Variants in PGAP4 observed in about 807,000 individuals in gnomAD.
PGAP4 encodes the protein GPI-N-acetylgalactosamine transferase PGAP4.
Under a neutral mutation model 28.2 loss-of-function variants are expected in PGAP4, and 12 were observed. That is an observed-to-expected ratio of 0.42 (90% confidence interval 0.27 to 0.69). The LOEUF is 0.69. Among genes scored for constraint, PGAP4 ranks in the 30% least tolerant of loss-of-function variants. The pLI, the probability that PGAP4 is intolerant of heterozygous loss-of-function variation, is 0.22. For missense variants in PGAP4, 425 were observed against 513.5 expected (o/e 0.83, Z 1.67); for synonymous variants, 205 against 211.8 (o/e 0.97, Z 0.28).
chr9:101,492,445 C>T (rs80228290), intron 2 of PGAP4, among the ~76,000 whole-genome samples: 3,453 of 151,980 alleles, frequency 0.023, 130 homozygotes, highest in African/African-American at 0.078. Flanking sequence ...GCCCGCCCGG[C>T]AGTAATTTTT....
Position 101,475,950 on chromosome 9 carries a change from C to T in PGAP4, c.1143G>A (p.Glu381=). 6.2e-7 allele frequency: 1 copy of T among 1,614,250 alleles called. No individual in the cohort carries two copies. Residue 381 remains glutamate (E), a synonymous_variant, in exon 2 of 2, where the codon GAG becomes GAA. Transcript: ENST00000374848. The part of the protein sequence containing the change: ...RAKGERAYVV[E]PNLVKHIGLF... ...GCCCGATGTGTTTCACGAGGTTCGGCTCCACTACATAGGCCCTCTCTCCCT... is the reference window on the plus strand; with the variant it reads ...GCCCGATGTGTTTCACGAGGTTCGGTTCCACTACATAGGCCCTCTCTCCCT...
chr9:101,491,206 G>A (rs1293584184), upstream of PGAP4, among the ~76,000 whole-genome samples: 1 of 152,168 alleles, frequency 6.6e-6, no homozygotes, highest in Non-Finnish European at 1.5e-5. Flanking sequence ...TTCATGAATA[G>A]TGGTATTAGC....
chr9:101,481,150 C>T (rs1826475949), intron 1 of PGAP4, among the ~76,000 whole-genome samples: 1 of 152,172 alleles, frequency 6.6e-6, no homozygotes, highest in South Asian at 2.1e-4. Flanking sequence ...CGCACTCCAG[C>T]CTGGTTGACA....
intron 1 of PGAP4, among the ~76,000 whole-genome samples, chr9:101,478,668 A>G (rs1413273307): frequency 6.6e-6 from 1 of 152,206 alleles, no homozygotes; most frequent in Non-Finnish European, 1.5e-5. Flanking sequence ...CTCTTTCCCC[A>G]TCTGCCAGCT....
At chr9:101,494,954 A>G (rs1034464914) in intron 2 of PGAP4, among the ~76,000 whole-genome samples, 2 of 149,960 alleles carry the variant, frequency 1.3e-5, no homozygotes, top group African/African-American at 2.4e-5. Context: ...AACTTTAGAA[A>G]AGATTAATAT....
chr9:101,481,224 T>C (rs987723822), intron 1 of PGAP4: 1 of 151,572 alleles, frequency 6.6e-6, no homozygotes, highest in African/African-American at 2.4e-5. Context: ...AAAAGATAAA[T>C]GGCCTTAGGG....
intron 2 of PGAP4, among the ~76,000 whole-genome samples, chr9:101,529,329 ATTTT>A (rs991076600): frequency 6.6e-6 from 1 of 151,574 alleles, no homozygotes; most frequent in African/African-American, 2.4e-5. Context: ...CTAATTTTGT[ATTTT>A]TAGTAGGGAC....
chr9:101,496,111 GAA>G (rs1826745668), intron 2 of PGAP4, among the ~76,000 whole-genome samples: 1 of 151,420 alleles, frequency 6.6e-6, no homozygotes, highest in Admixed American at 6.6e-5. Flanking sequence ...GGCATGTCAA[GAA>G]AAGCCAAGAC....
Position 101,473,584 on chromosome 9 carries a change from T to C in PGAP4, c.*2297A>G, listed in dbSNP as rs1826214363. The C allele has an allele frequency of 6.6e-6, 1 of 152,240 alleles. No homozygotes were observed. The highest frequency in any genetic ancestry group is 6.5e-5 in the Admixed American group (1 of 15,280). The allele number at this position is 152,240 out of a possible 1,614,324, so 9.4% of individuals were successfully genotyped here. Reference sequence around the variant, plus strand: ...CATGGGGAAAAGGCATGTTAGTGTGTAGGTAGAGAAACTGGACAAGGAAGG... The same window carrying C: ...CATGGGGAAAAGGCATGTTAGTGTGCAGGTAGAGAAACTGGACAAGGAAGG... On this transcript the variant is annotated 3_prime_UTR_variant, in exon 2 of 2. Transcript: ENST00000374848.
intron 2 of PGAP4, among the ~76,000 whole-genome samples, chr9:101,499,170 T>C (rs2118590765): frequency 6.6e-6 from 1 of 152,136 alleles, no homozygotes. Context: ...TAAGATTTCT[T>C]ATTAAAGTGG....
chr9:101,477,006 G>A lies in PGAP4; in HGVS notation c.87C>T (p.Ile29=), dbSNP rs1272143488. Reference sequence around the variant, plus strand: ...GCAGGCCAAACGTCACCACTGTTAGGATGAAGAGCTGGACAGCAGTGCTGC... The same window carrying A: ...GCAGGCCAAACGTCACCACTGTTAGAATGAAGAGCTGGACAGCAGTGCTGC... ...SWGSTAVQLF[I]LTVVTFGLLA... The change falls in exon 2 of 2, where the codon ATC becomes ATT. Residue 29 remains isoleucine, a synonymous_variant. Coordinates refer to ENST00000374848, the MANE Select transcript of PGAP4 (RefSeq NM_032342.3). 6.2e-7 allele frequency: 1 copy of A among 1,613,760 alleles called. No homozygotes were observed. The highest frequency in any genetic ancestry group is 8.5e-7 in the Non-Finnish European group (1 of 1,180,024).
At chr9:101,499,046 C>G (rs1826775489) in intron 2 of PGAP4, among the ~76,000 whole-genome samples, 1 of 151,784 alleles carries the variant, frequency 6.6e-6, no homozygotes, top group Admixed American at 6.6e-5. Flanking sequence ...GCCTCACAGA[C>G]CGAATGTAAA....
At chr9:101,488,449 C>A (rs939114900), upstream of PGAP4, among the ~76,000 whole-genome samples, 1 of 152,274 alleles carries the variant, frequency 6.6e-6, no homozygotes, top group Non-Finnish European at 1.5e-5. Flanking sequence ...CTGGCTATGA[C>A]AAATTAACTC....
Position 101,476,141 on chromosome 9 carries a change from G to A in PGAP4, c.952C>T (p.Arg318Trp), listed in dbSNP as rs149643147. The change falls in exon 2 of 2, where the codon CGG becomes TGG. Residue 318 changes from arginine (R) to tryptophan (W), a missense_variant. Transcript: ENST00000374848. This position sits in a 1 kb window ranked among gnomAD's most constrained non-coding sequence, Gnocchi z 7.0. ...ACACTGTACAGGGAAGGACTCAGCC[G>A]CCGCAGTTCCAGGAAATAGTGCCGA... ...VGRHYFLELR[R>W]LSPSLYSVVP... 47 of 1,613,966 alleles carry A rather than the reference G, an allele frequency of 2.9e-5. No homozygotes were observed. Among genetic ancestry groups the A allele is most frequent in the Non-Finnish European group, 3.5e-5 (41 of 1,179,982 alleles).
intron 2 of PGAP4, among the ~76,000 whole-genome samples, chr9:101,512,870 C>T (rs932023469): frequency 3.9e-5 from 6 of 152,214 alleles, no homozygotes; most frequent in East Asian, 1.9e-4. Flanking sequence ...GGATTTTCCA[C>T]GTTCAAAGAG....
upstream of PGAP4, among the ~76,000 whole-genome samples, chr9:101,487,547 G>A (rs1050915753): frequency 6.6e-6 from 1 of 152,148 alleles, no homozygotes; most frequent in African/African-American, 2.4e-5. Flanking sequence ...AAAAAGATAC[G>A]GAATGATCCG....
Position 101,502,974 on chromosome 9 carries a change from A to G in PGAP4, c.-164-13774T>C, listed in dbSNP as rs1200599093. 2.6e-5 allele frequency among the ~76,000 whole-genome samples: 4 copies of G among 152,248 alleles called. No individual in the cohort carries two copies. The East Asian group carries it at 7.7e-4, about 29-fold the overall frequency. ...TCAGTGTTGAGCAGCATTTGTGCACAAAGCATGTGGCACAAGATTGCCAGA... is the reference window on the plus strand; with the variant it reads ...TCAGTGTTGAGCAGCATTTGTGCACGAAGCATGTGGCACAAGATTGCCAGA... On this transcript the variant is annotated intron_variant, in intron 2 of 3. Transcript: ENST00000374851.
rs960852039 is a variant in PGAP4 at position 101,476,496 on chromosome 9, C to T, written c.597G>A (p.Leu199=). ...QDYVYCLESS[L]QTYNPDYVLM... is the part of the protein sequence containing the mutation. ...GGACGTAGTCTGGGTTGTAGGTCTG[C>T]AGGGATGACTCCAGGCAATAGACAT... The change falls in exon 2 of 2, where the codon CTG becomes CTA. Residue 199 remains leucine, a synonymous_variant. Coordinates refer to ENST00000374848, the MANE Select transcript of PGAP4 (RefSeq NM_032342.3). The surrounding 1 kb of genome is among the most constrained non-coding windows in gnomAD (Gnocchi z 7.0). 2.5e-6 allele frequency: 4 copies of T among 1,614,016 alleles called. No individual in the cohort carries two copies. The African/African-American group carries it at 4.0e-5, about 16-fold the overall frequency.
At chr9:101,508,313 A>C (rs1239716502) in intron 2 of PGAP4, among the ~76,000 whole-genome samples, 2 of 152,078 alleles carry the variant, frequency 1.3e-5, no homozygotes, top group Admixed American at 1.3e-4. Flanking sequence ...AACCAGTCTG[A>C]CTGACAGTTG....
Sources: gnomAD v4.1 joint callset for allele counts (sites outside exome capture counted in the v4.1 genomes callset) on GRCh38, gnomAD v4.1.1 for gene constraint, Gnocchi (gnomAD v3.1) non-coding constraint, MANE v1.5 for transcripts, NCBI Gene and HGNC (gene_info 2026-07-23, HGNC 2026-07-21) for gene names.